The following SHTN1 variants were observed in gnomAD, a reference collection of about 807,000 sequenced individuals.
SHTN1 encodes the protein shootin 1, also known as shootin-1.
In SHTN1, 42 loss-of-function variants were observed where a neutral mutation model predicts 83.1. The ratio of observed to expected loss-of-function variants is 0.51; its 90% CI spans 0.39 to 0.65. SHTN1 has a LOEUF of 0.65. SHTN1 is among the 30% of genes least tolerant of loss of function. The probability of loss-of-function intolerance (pLI) is 0.00; values close to 1 mark genes in which losing one functional copy is unlikely to be tolerated. For missense variants in SHTN1, 622 were observed against 737.8 expected, an observed-to-expected ratio of 0.84 and a Z score of 1.82; for synonymous variants, 224 against 247.7, an observed-to-expected ratio of 0.90 and a Z score of 0.90.
intron 9 of SHTN1, among the ~76,000 whole-genome samples, chr10:116,930,267 T>TG (rs1390558161): frequency 2.0e-5 from 3 of 152,128 alleles, no homozygotes. Flanking sequence ...TCGGGGTACA[T>TG]GTGCATGGTT....
intron 2 of SHTN1, among the ~76,000 whole-genome samples, chr10:117,046,415 A>G (rs1589910029): frequency 6.6e-6 from 1 of 152,222 alleles, no homozygotes; most frequent in Admixed American, 6.5e-5. Context: ...AGCATCATAC[A>G]TTGCCAGTGG....
chr10:116,949,955 T>A (rs1467677069), intron 6 of SHTN1, among the ~76,000 whole-genome samples: 1 of 152,204 alleles, frequency 6.6e-6, no homozygotes, highest in Non-Finnish European at 1.5e-5. Flanking sequence ...GGCATGTTTA[T>A]AATATTTAAA....
intron 1 of SHTN1, among the ~76,000 whole-genome samples, chr10:117,000,343 C>T (rs1851780523): frequency 6.6e-6 from 1 of 152,192 alleles, no homozygotes; most frequent in Admixed American, 6.5e-5. Flanking sequence ...ATACTGGATG[C>T]ATCTTTTAAT....
intron 16 of SHTN1, chr10:116,900,611 C>T: frequency 6.5e-7 from 1 of 1,527,794 alleles, no homozygotes; most frequent in Non-Finnish European, 8.8e-7. Context: ...TAACTTGTCT[C>T]AGCCAAATTG....
chr10:116,988,499 C>T (rs1851302681), intron 1 of SHTN1, among the ~76,000 whole-genome samples: 1 of 147,728 alleles, frequency 6.8e-6, no homozygotes, highest in African/African-American at 2.5e-5. Flanking sequence ...TTTTCTTTTA[C>T]TTATTTTTTA....
intron 9 of SHTN1, among the ~76,000 whole-genome samples, chr10:116,934,884 C>T (rs937754547): frequency 6.6e-6 from 1 of 152,156 alleles, no homozygotes; most frequent in African/African-American, 2.4e-5. Flanking sequence ...AGGTCCTTCA[C>T]ATCCCTTGTA....
chr10:116,915,804 C>T (rs930710462), intron 12 of SHTN1, among the ~76,000 whole-genome samples: 1 of 152,172 alleles, frequency 6.6e-6, no homozygotes, highest in Non-Finnish European at 1.5e-5. Context: ...AAAATCCCAA[C>T]TTTGTGCCTA....
chr10:117,084,003 G>T (rs1853311174), intron 1 of SHTN1, among the ~76,000 whole-genome samples: 1 of 151,814 alleles, frequency 6.6e-6, no homozygotes, highest in Non-Finnish European at 1.5e-5. Flanking sequence ...TCCTCCCATA[G>T]CTCAGAGTAA....
At chr10:116,933,110 C>A (rs891770379) in intron 9 of SHTN1, among the ~76,000 whole-genome samples, 2 of 152,152 alleles carry the variant, frequency 1.3e-5, no homozygotes, top group Admixed American at 1.3e-4. Flanking sequence ...CTGTTACCAC[C>A]TGTCCATCCA....
chr10:117,101,588 A>C (rs1853595220), intron 1 of SHTN1, among the ~76,000 whole-genome samples: 1 of 152,202 alleles, frequency 6.6e-6, no homozygotes, highest in Admixed American at 6.5e-5. Flanking sequence ...TTCATCTTCT[A>C]TGGTCTCATG....
intron 1 of SHTN1, among the ~76,000 whole-genome samples, chr10:117,064,418 G>C (rs1280082749): frequency 4.6e-5 from 7 of 152,210 alleles, no homozygotes; most frequent in African/African-American, 1.7e-4. Context: ...CACTTTGGGA[G>C]GCCAAGGCAG....
chr10:116,886,525 C>T lies in SHTN1; in HGVS notation c.1715G>A (p.Gly572Asp). The T allele has an allele frequency of 3.1e-6, 5 of 1,614,110 alleles. No individual in the cohort carries two copies. The South Asian group carries it at 5.5e-5, about 18-fold the overall frequency. Reference sequence around the variant, plus strand: ...TACAACTGGTTCGGCTTGTTTTTCACCGTCAATGTATTTTTTCCTGCATCC... The same window carrying T: ...TACAACTGGTTCGGCTTGTTTTTCATCGTCAATGTATTTTTTCCTGCATCC... ...SIGCRKKYID[G>D]EKQAEPVVVL... Residue 572 changes from glycine (G) to aspartate (D), a missense_variant, in exon 17 of 17, where the codon GGT (glycine) becomes GAT (aspartate). Gly to Asp is a moderately conservative substitution (Grantham distance 94). Transcript: ENST00000355371.
chr10:116,950,787 C>T (rs560878476), intron 6 of SHTN1, among the ~76,000 whole-genome samples: 4 of 152,136 alleles, frequency 2.6e-5, no homozygotes, highest in African/African-American at 9.7e-5. Context: ...TCTTCCCATT[C>T]GTTACAATGT....
chr10:116,908,367 T>G (rs1033711067), intron 14 of SHTN1, among the ~76,000 whole-genome samples: 1 of 152,210 alleles, frequency 6.6e-6, no homozygotes, highest in Non-Finnish European at 1.5e-5. Context: ...TCTGGTTTGT[T>G]TCTTTAACAT....
At chr10:116,897,246 G>A (rs1219716541) in intron 16 of SHTN1, among the ~76,000 whole-genome samples, 2 of 152,206 alleles carry the variant, frequency 1.3e-5, no homozygotes, top group East Asian at 1.9e-4. Context: ...GGACTTGTAA[G>A]TCCTGAGGAT....
rs1387030530 is a variant in SHTN1 at position 116,886,098 on chromosome 10, C to G, written c.*246G>C. ...CTTCTAAAAGAAGTCATACTTAATA[C>G]AGTAACTAGGAAAAAAACCTCATCT... On this transcript the variant is annotated 3_prime_UTR_variant, in exon 17 of 17. Coordinates refer to ENST00000355371, the MANE Select transcript of SHTN1 (RefSeq NM_001127211.3). 1 of 528,232 alleles carries G rather than the reference C, an allele frequency of 1.9e-6. No individual in the cohort carries two copies. Among genetic ancestry groups the G allele is most frequent in the Non-Finnish European group, 3.3e-6 (1 of 303,778 alleles). The allele number at this position is 528,232 out of a possible 1,614,324, so 32.7% of individuals were successfully genotyped here.
chr10:117,068,154 G>A (rs1425404342), intron 1 of SHTN1, among the ~76,000 whole-genome samples: 2 of 152,154 alleles, frequency 1.3e-5, no homozygotes, highest in Non-Finnish European at 1.5e-5. Context: ...CATTTTGGGA[G>A]GCCAAGGCAG....
chr10:117,112,969 T>C (rs191388339), intron 1 of SHTN1, among the ~76,000 whole-genome samples: 297 of 152,210 alleles, frequency 2.0e-3, no homozygotes, highest in Non-Finnish European at 3.4e-3. Flanking sequence ...GAATGCTTTG[T>C]TTTCATTCAA....
intron 2 of SHTN1, among the ~76,000 whole-genome samples, chr10:117,043,785 T>G (rs1010833705): frequency 1.7e-4 from 26 of 152,106 alleles, no homozygotes; most frequent in Admixed American, 1.7e-3. Flanking sequence ...GAGGCTGCAG[T>G]AAGCTGTGAT....
Sources: allele counts gnomAD v4.1 joint callset (sites outside exome capture counted in the v4.1 genomes callset), GRCh38; gene constraint gnomAD v4.1.1; transcripts MANE v1.5; gene names NCBI Gene and HGNC (gene_info 2026-07-23, HGNC 2026-07-21).